SARDH: variants seen among roughly 807,000 people sequenced by gnomAD.
SARDH encodes the protein sarcosine dehydrogenase, mitochondrial.
Under a neutral mutation model 109.1 loss-of-function variants are expected in SARDH, and 95 were observed. The observed-to-expected ratio is 0.87, with a 90% CI of 0.74 to 1.03. The LOEUF (loss-of-function observed/expected upper bound fraction) is 1.03, where lower values mean the gene tolerates loss of function less well. Among genes scored for constraint, SARDH ranks in the 50% least tolerant of loss-of-function variants. The pLI is 0.00. For synonymous variants in SARDH, 572 were observed against 534.8 expected, an observed-to-expected ratio of 1.07 and a Z score of -0.96; for missense variants, 1,267 against 1,287.8, an observed-to-expected ratio of 0.98 and a Z score of 0.25.
chr9:133,713,383 C>T (rs752676726), intron 8 of SARDH, among the ~76,000 whole-genome samples: 85 of 152,330 alleles, frequency 5.6e-4, no homozygotes, highest in Non-Finnish European at 6.5e-4. Flanking sequence ...GGTGGGGTCC[C>T]GCTGTCTTGT....
chr9:133,716,998 A>C (rs1832146906), intron 8 of SARDH, among the ~76,000 whole-genome samples: 1 of 152,182 alleles, frequency 6.6e-6, no homozygotes. Flanking sequence ...TTACAGATGA[A>C]AACACAGAAT....
chr9:133,702,733 G>C (rs899682693), intron 13 of SARDH, among the ~76,000 whole-genome samples, 183 bp downstream of exon 13: 1 of 152,284 alleles, frequency 6.6e-6, no homozygotes, highest in South Asian at 2.1e-4. Context: ...AGAGGGAGGA[G>C]GGGGAGAGGA....
rs530094167 is a variant in SARDH at position 133,704,711 on chromosome 9, C to T, written c.1554+237G>A. Among the ~76,000 whole-genome samples, 2 of 152,294 alleles carry T rather than the reference C, an allele frequency of 1.3e-5. No homozygotes were observed. The highest frequency in any genetic ancestry group is 2.1e-4 in the South Asian group (1 of 4,820). On this transcript the variant is annotated intron_variant, in intron 12 of 20. Coordinates refer to ENST00000439388, the MANE Select transcript of SARDH (RefSeq NM_001134707.2). This position sits in a 1 kb window ranked among gnomAD's most constrained non-coding sequence, Gnocchi z 4.5. ...TAGGCCATGGAAGGCCTGGCCACAGCGGACGGGTAGTGGGGAGGACGAGGA... is the reference window on the plus strand; with the variant it reads ...TAGGCCATGGAAGGCCTGGCCACAGTGGACGGGTAGTGGGGAGGACGAGGA...
intron 11 of SARDH, among the ~76,000 whole-genome samples, chr9:133,706,313 G>C (rs1480073142): frequency 6.6e-6 from 1 of 152,174 alleles, no homozygotes; most frequent in African/African-American, 2.4e-5. Flanking sequence ...TTTATCACAG[G>C]ATGAACCTTG....
Position 133,671,515 on chromosome 9 carries a change from T to C in SARDH, c.2326+20A>G, listed in dbSNP as rs566656684. ...CACTGCGCCCGCCCCCGCCCCGTGC[T>C]GTCCAGACCCTGCACTCACCTTTCT... On this transcript the variant is annotated intron_variant, in intron 18 of 20. Coordinates refer to ENST00000439388, the MANE Select transcript of SARDH (RefSeq NM_001134707.2). 3 of 1,566,484 alleles carry C rather than the reference T, an allele frequency of 1.9e-6. No individual in the cohort carries two copies. Among genetic ancestry groups the C allele is most frequent in the African/African-American group, 1.4e-5 (1 of 73,548 alleles).
chr9:133,721,227 C>T (rs1251257072), intron 6 of SARDH, among the ~76,000 whole-genome samples: 1 of 152,148 alleles, frequency 6.6e-6, no homozygotes, highest in Non-Finnish European at 1.5e-5. Context: ...AAGGCCACGC[C>T]GTGGGAAACA....
At chr9:133,673,299 T>C (rs750899604) in intron 17 of SARDH, among the ~76,000 whole-genome samples, 2 of 152,234 alleles carry the variant, frequency 1.3e-5, no homozygotes, top group East Asian at 3.8e-4. Context: ...AGGCAAACCG[T>C]TGAACCCACT....
At chr9:133,669,793 A>G (rs1830272232) in intron 19 of SARDH, among the ~76,000 whole-genome samples, 1 of 152,208 alleles carries the variant, frequency 6.6e-6, no homozygotes, top group African/African-American at 2.4e-5. Context: ...CCCCTATCAC[A>G]GGGCTGTGGG....
intron 13 of SARDH, 93 bp from the exon 14 acceptor site, chr9:133,696,454 A>T: frequency 6.7e-7 from 1 of 1,503,586 alleles, no homozygotes; most frequent in Non-Finnish European, 9.1e-7. Context: ...TGTCCAACAC[A>T]CCTGTACTGA....
intron 17 of SARDH, among the ~76,000 whole-genome samples, chr9:133,672,774 G>A (rs988970181): frequency 2.0e-5 from 3 of 152,212 alleles, no homozygotes; most frequent in Non-Finnish European, 2.9e-5. Flanking sequence ...TGCCTGGGAC[G>A]CCAGACCAGG....
intron 17 of SARDH, among the ~76,000 whole-genome samples, chr9:133,681,195 A>C (rs1830683119): frequency 6.6e-6 from 1 of 152,118 alleles, no homozygotes; most frequent in African/African-American, 2.4e-5. Flanking sequence ...GATGGGGCCC[A>C]CAGGGATGGG....
intron 14 of SARDH, among the ~76,000 whole-genome samples, chr9:133,695,905 G>T (rs1441824117): frequency 6.6e-6 from 1 of 152,182 alleles, no homozygotes; most frequent in Non-Finnish European, 1.5e-5. Flanking sequence ...AGAGCATGGG[G>T]GGGACTGGGC....
intron 8 of SARDH, among the ~76,000 whole-genome samples, chr9:133,714,838 G>T (rs888904650): frequency 2.0e-5 from 3 of 152,144 alleles, no homozygotes; most frequent in African/African-American, 7.2e-5. Flanking sequence ...GGAGCACCTT[G>T]GGAGGGCTGG....
chr9:133,660,067 A>AC (rs575931896), downstream of SARDH, among the ~76,000 whole-genome samples: 101 of 43,672 alleles, frequency 2.3e-3, 1 homozygote, highest in African/African-American at 7.4e-3. Context: ...CCCCCACCTC[A>AC]CCCCCCACTC....
At chr9:133,697,774 A>C (rs1831335529) in intron 13 of SARDH, among the ~76,000 whole-genome samples, 1 of 152,208 alleles carries the variant, frequency 6.6e-6, no homozygotes, top group Admixed American at 6.5e-5. Flanking sequence ...CCCTCAGCTG[A>C]TGAAAGACAC....
intron 16 of SARDH, among the ~76,000 whole-genome samples, chr9:133,687,156 G>T (rs970129917): frequency 2.0e-5 from 3 of 152,234 alleles, no homozygotes; most frequent in African/African-American, 7.2e-5. Context: ...CCACTGTGAG[G>T]AACCAGCAAG....
In SARDH at chr9:133,704,319, T is replaced by A. The variant is rs1831605791; in HGVS notation, c.1554+629A>T. Among the ~76,000 whole-genome samples, 1 of 152,098 alleles carries A rather than the reference T, an allele frequency of 6.6e-6. No individual in the cohort carries two copies. The highest frequency in any genetic ancestry group is 2.1e-4 in the South Asian group (1 of 4,836). On this transcript the variant is annotated intron_variant, in intron 12 of 20. Transcript: ENST00000439388. The surrounding 1 kb of genome is among the most constrained non-coding windows in gnomAD (Gnocchi z 4.5). ...GGAAGGGGATTTCGATTTCTGTAAA[T>A]CTGGATCAAATGCTACCCCTCAGCT...
chr9:133,707,031 A>C (rs774266230), intron 11 of SARDH, among the ~76,000 whole-genome samples: 1 of 152,166 alleles, frequency 6.6e-6, no homozygotes, highest in Non-Finnish European at 1.5e-5. Flanking sequence ...CACCTTTCTA[A>C]GGAGGCAAAC....
At chr9:133,721,071 C>G (rs890382815) in intron 6 of SARDH, among the ~76,000 whole-genome samples, 1 of 152,130 alleles carries the variant, frequency 6.6e-6, no homozygotes, top group African/African-American at 2.4e-5. Context: ...TACAGCGGTT[C>G]CAGAAAGAGA....
Sources: allele counts gnomAD v4.1 joint callset (sites outside exome capture counted in the v4.1 genomes callset), GRCh38; gene constraint gnomAD v4.1.1; non-coding constraint Gnocchi (gnomAD v3.1); transcripts MANE v1.5; gene names NCBI Gene and HGNC (gene_info 2026-07-23, HGNC 2026-07-21).